The following TTLL1 variants were observed in gnomAD, a reference collection of about 807,000 sequenced individuals.
TTLL1 encodes the protein polyglutamylase complex subunit TTLL1.
Under a neutral mutation model 47.8 loss-of-function variants are expected in TTLL1, and 33 were observed. The ratio of observed to expected loss-of-function variants is 0.69; its 90% CI spans 0.52 to 0.92. The LOEUF is 0.92. TTLL1 is among the 40% of genes least tolerant of loss of function. TTLL1 has a pLI of 0.00. For missense variants in TTLL1, 488 were observed against 547.5 expected, an observed-to-expected ratio of 0.89 and a Z score of 1.08; for synonymous variants, 225 against 214.1, an observed-to-expected ratio of 1.05 and a Z score of -0.45.
intron 1 of TTLL1, among the ~76,000 whole-genome samples, chr22:43,088,634 T>C (rs907189914): frequency 2.3e-4 from 35 of 151,944 alleles, no homozygotes; most frequent in Admixed American, 5.9e-4. Flanking sequence ...TGAGCCACCG[T>C]GCCCGGCCGG....
At chr22:43,084,663 G>A (rs552728400) in intron 1 of TTLL1, among the ~76,000 whole-genome samples, 85 of 152,020 alleles carry the variant, frequency 5.6e-4, no homozygotes, top group African/African-American at 1.9e-3. Flanking sequence ...CACCACGCCC[G>A]GATAATTTTT....
At chr22:43,068,643 T>G in intron 4 of TTLL1, 53 bp from the exon 5 acceptor site, 1 of 1,368,282 alleles carries the variant, frequency 7.3e-7, no homozygotes, top group African/African-American at 1.5e-5. Flanking sequence ...ACAGTGGCCA[T>G]GAACAGAAAG....
intron 5 of TTLL1, among the ~76,000 whole-genome samples, chr22:43,065,568 G>A (rs1204044316): frequency 6.6e-6 from 1 of 151,566 alleles, no homozygotes; most frequent in Non-Finnish European, 1.5e-5. Flanking sequence ...GGGATTACAG[G>A]CTTGTGCCAC....
intron 2 of TTLL1, among the ~76,000 whole-genome samples, chr22:43,076,410 C>T (rs575152472): frequency 7.9e-5 from 12 of 151,792 alleles, no homozygotes; most frequent in African/African-American, 2.7e-4. Context: ...GAGCTGAGAT[C>T]GCACTACTGC....
At chr22:43,040,388 A>T (rs1925573197) in intron 10 of TTLL1, 1 of 154,808 alleles carries the variant, frequency 6.5e-6, no homozygotes, top group Non-Finnish European at 1.4e-5. Context: ...CAGGGCAGAG[A>T]GGCCCCACGG....
intron 1 of TTLL1, 60 bp from the exon 2 acceptor site, chr22:43,080,046 C>T (rs534512279): frequency 1.3e-5 from 2 of 152,018 alleles, no homozygotes; most frequent in Non-Finnish European, 2.9e-5. Context: ...ACTCTTTAAC[C>T]ATTTTTTGTT....
chr22:43,075,725 C>A, intron 2 of TTLL1, 135 bp from the exon 3 acceptor site: 1 of 765,066 alleles, frequency 1.3e-6, no homozygotes, highest in South Asian at 1.6e-5. Context: ...AGGAGTGATT[C>A]CATCTCCCAG....
Position 43,080,902 on chromosome 22 carries a change from CTTTTTTTTTTTT to C in TTLL1, c.-89-928_-89-917del, listed in dbSNP as rs10529079. Among the ~76,000 whole-genome samples, 77 of 69,300 alleles carry C rather than the reference CTTTTTTTTTTTT, an allele frequency of 1.1e-3. 1 individual carries two copies. Among genetic ancestry groups the C allele is most frequent in the African/African-American group, 3.3e-3 (57 of 17,432 alleles). 45.5% of individuals were successfully genotyped at this position (69,300 alleles called of 152,430 possible). A position where few individuals can be genotyped will look rare whatever the true frequency, so the allele number is the denominator to read the frequency against. ...GTCACCTGTTCCCAGTGTTGCATGA[CTTTTTTTTTTTT>C]TTTTTTTTTTTTTTTTTTTTTAGAC... On this transcript the variant is annotated intron_variant, in intron 1 of 10. Coordinates refer to ENST00000266254, the MANE Select transcript of TTLL1 (RefSeq NM_012263.5).
intron 7 of TTLL1, among the ~76,000 whole-genome samples, chr22:43,059,933 T>A (rs1219151693): frequency 2.6e-5 from 4 of 152,124 alleles, no homozygotes; most frequent in Admixed American, 2.6e-4. Flanking sequence ...CAAGGGATCC[T>A]CCTGCCTTGG....
chr22:43,069,961 C>T, intron 3 of TTLL1, 117 bp from the exon 4 acceptor site: 1 of 1,447,902 alleles, frequency 6.9e-7, no homozygotes. Flanking sequence ...ACTCCCACAT[C>T]CCCTGGCACC....
intron 10 of TTLL1, among the ~76,000 whole-genome samples, chr22:43,042,269 G>C (rs995567283): frequency 6.6e-6 from 1 of 152,286 alleles, no homozygotes; most frequent in Admixed American, 6.5e-5. Flanking sequence ...GCTGATCTGT[G>C]TGGCTCAAAA....
chr22:43,072,436 G>T (rs1426912248), intron 3 of TTLL1, among the ~76,000 whole-genome samples: 3 of 152,054 alleles, frequency 2.0e-5, no homozygotes, highest in Admixed American at 6.6e-5. Flanking sequence ...TTACAGGCGT[G>T]AGCCACCGCG....
chr22:43,068,125 T>C (rs1927863926), intron 5 of TTLL1, among the ~76,000 whole-genome samples: 1 of 134,590 alleles, frequency 7.4e-6, no homozygotes. Context: ...CAAAACCCCA[T>C]CTCTATTTAA....
intron 10 of TTLL1, among the ~76,000 whole-genome samples, chr22:43,043,821 C>T (rs1206047093): frequency 1.3e-5 from 2 of 152,020 alleles, no homozygotes; most frequent in Non-Finnish European, 2.9e-5. Context: ...CCTCCTTGTG[C>T]AGTCACCTCC....
intron 1 of TTLL1, among the ~76,000 whole-genome samples, chr22:43,081,196 G>A (rs1287501345): frequency 3.9e-5 from 6 of 152,038 alleles, no homozygotes; most frequent in South Asian, 2.1e-4. Flanking sequence ...GATGACAAGC[G>A]TGAGCCACCG....
At chr22:43,077,382 G>A (rs1475866475) in intron 2 of TTLL1, among the ~76,000 whole-genome samples, 2 of 152,158 alleles carry the variant, frequency 1.3e-5, no homozygotes, top group Non-Finnish European at 2.9e-5. Flanking sequence ...ATAAATGAAT[G>A]TCGCTTGCTC....
At chr22:43,077,960 T>C (rs937568030) in intron 2 of TTLL1, among the ~76,000 whole-genome samples, 1 of 151,390 alleles carries the variant, frequency 6.6e-6, no homozygotes, top group East Asian at 2.0e-4. Context: ...ATACAAAAAT[T>C]AGCTGGGCGT....
Position 43,039,896 on chromosome 22 carries a change from T to G in TTLL1, c.1152A>C (p.Glu384Asp). 3 of 1,613,610 alleles carry G rather than the reference T, an allele frequency of 1.9e-6. No individual in the cohort carries two copies. The highest frequency in any genetic ancestry group is 2.5e-6 in the Non-Finnish European group (3 of 1,179,876). ...CAGCCCCGTCACCCTGGGCCAATTCTTCATCATACCTGGAGACAGAAACAG... is the reference window on the plus strand; with the variant it reads ...CAGCCCCGTCACCCTGGGCCAATTCGTCATCATACCTGGAGACAGAAACAG... ...VLGNYEILYD[E>D]ELAQGDGADR... Residue 384 changes from glutamate (E) to aspartate (D), a missense_variant, in exon 11 of 11, where the codon GAA (glutamate) becomes GAC (aspartate). Transcript: ENST00000266254.
intron 10 of TTLL1, among the ~76,000 whole-genome samples, chr22:43,043,067 A>C (rs1925824475): frequency 6.6e-6 from 1 of 151,044 alleles, no homozygotes; most frequent in Non-Finnish European, 1.5e-5. Flanking sequence ...CAGCCTCCCA[A>C]GTAGCTGGGA....
Sources: allele counts gnomAD v4.1 joint callset (sites outside exome capture counted in the v4.1 genomes callset), GRCh38; gene constraint gnomAD v4.1.1; transcripts MANE v1.5; gene names NCBI Gene and HGNC (gene_info 2026-07-23, HGNC 2026-07-21).